UNC79: variants seen among roughly 807,000 people sequenced by gnomAD.
UNC79 encodes protein unc-79 homolog.
Under a neutral mutation model 283.1 loss-of-function variants are expected in UNC79, and 37 were observed. The ratio of observed to expected loss-of-function variants is 0.13; its 90% CI spans 0.10 to 0.17. The LOEUF (loss-of-function observed/expected upper bound fraction) is 0.17, where lower values mean the gene tolerates loss of function less well. Ranked by LOEUF, UNC79 falls within the 10% of genes least tolerant of loss-of-function variation. The pLI, the probability that UNC79 is intolerant of heterozygous loss-of-function variation, is 1.00. For missense variants in UNC79, 2,272 were observed against 3,211.1 expected, an observed-to-expected ratio of 0.71 and a Z score of 7.07; for synonymous variants, 1,107 against 1,200.2, an observed-to-expected ratio of 0.92 and a Z score of 1.61.
chr14:93,597,345 C>G lies in UNC79; in HGVS notation c.3191-14C>G, dbSNP rs1190037403. On this transcript the variant is annotated splice_polypyrimidine_tract_variant and intron_variant, in intron 23 of 48. Coordinates refer to ENST00000555664, the Ensembl canonical transcript of UNC79. ...TGTGTATTTACGTATTTTGCCTTCT[C>G]TTTTACATTGCAGTGGAAAAAGTTG... The G allele has an allele frequency of 1.2e-6, 2 of 1,613,012 alleles. No homozygotes were observed. The highest frequency in any genetic ancestry group is 1.7e-6 in the Non-Finnish European group (2 of 1,179,464).
In UNC79 at chr14:93,641,024, A is replaced by T. The variant is rs763090443; in HGVS notation, c.5801-121A>T. 2.6e-4 allele frequency: 181 copies of T among 698,464 alleles called. 1 individual carries two copies. The highest frequency in any genetic ancestry group is 2.8e-4 in the Non-Finnish European group (119 of 422,620). 43.3% of individuals were successfully genotyped at this position (698,464 alleles called of 1,614,324 possible). On this transcript the variant is annotated intron_variant, in intron 32 of 48. Transcript: ENST00000555664. ...GAGGGCTTTCTGCAGTACAGTTGGG[A>T]TGTCCAAGTTGTATTCCTGGGAATG...
chr14:93,476,379 C>G (rs1489061763), intron 3 of UNC79, among the ~76,000 whole-genome samples: 9 of 152,220 alleles, frequency 5.9e-5, no homozygotes, highest in Non-Finnish European at 1.5e-5. Flanking sequence ...TGTAATTAGG[C>G]TAAAAGGCTC....
chr14:93,568,642 G>C (rs190485905), intron 14 of UNC79, among the ~76,000 whole-genome samples: 4 of 152,218 alleles, frequency 2.6e-5, no homozygotes, highest in Non-Finnish European at 5.9e-5. Context: ...TTGCACTCCA[G>C]CCTGGGTAAC....
intron 24 of UNC79, among the ~76,000 whole-genome samples, chr14:93,598,386 GTGTGTGTGTGTGTGTGTGTGTGT>G (rs1566741982): frequency 2.2e-4 from 34 of 151,712 alleles, no homozygotes; most frequent in Non-Finnish European, 4.1e-4. Flanking sequence ...GTGTGTGTGT[GTGTGTGTGTGTGTGTGTGTGTGT>G]GGCAGATTTT....
chr14:93,460,849 ACT>A (rs1180619847), intron 1 of UNC79, among the ~76,000 whole-genome samples: 2 of 152,110 alleles, frequency 1.3e-5, no homozygotes, highest in Admixed American at 6.6e-5. Context: ...GTATAGTGAG[ACT>A]CTGTCTCTAC....
At chr14:93,696,991 TAGTC>T (rs1055426048) in intron 47 of UNC79, among the ~76,000 whole-genome samples, 3 of 151,768 alleles carry the variant, frequency 2.0e-5, no homozygotes, top group South Asian at 2.1e-4. Flanking sequence ...TGTATATGGA[TAGTC>T]AGTTATTCCA....
chr14:93,670,417 A>C (rs189436733), intron 40 of UNC79, among the ~76,000 whole-genome samples: 2 of 152,272 alleles, frequency 1.3e-5, no homozygotes, highest in South Asian at 4.1e-4. Flanking sequence ...CTTTGGGCTC[A>C]ATTAATTTGG....
In UNC79 at chr14:93,430,954, C is replaced by T. The variant is rs1425348029; in HGVS notation, c.-76C>T. On this transcript the variant is annotated 5_prime_UTR_variant, in exon 1 of 49. Transcript: ENST00000555664. The surrounding 1 kb of genome is among the most constrained non-coding windows in gnomAD (Gnocchi z 4.6). ...GGTGGGGGGTATGCACTCTTTTCCT[C>T]GCAACATCGCTGGCGGAGCGAGGGA... The T allele has an allele frequency of 1.4e-6, 1 of 693,090 alleles. No homozygotes were observed. Among genetic ancestry groups the T allele is most frequent in the East Asian group, 2.7e-5 (1 of 36,674 alleles). 42.9% of individuals were successfully genotyped at this position (693,090 alleles called of 1,614,324 possible).
At chr14:93,444,737 T>A (rs2056412424) in intron 1 of UNC79, among the ~76,000 whole-genome samples, 1 of 151,924 alleles carries the variant, frequency 6.6e-6, no homozygotes, top group Non-Finnish European at 1.5e-5. Flanking sequence ...ATCTCTGGAC[T>A]CTATTTTGTT....
At position 93,653,728 on chromosome 14, in the gene UNC79, C is replaced by T; in HGVS notation, c.6084-14C>T. 6.2e-7 allele frequency: 1 copy of T among 1,607,364 alleles called. No individual in the cohort carries two copies. Among genetic ancestry groups the T allele is most frequent in the East Asian group, 2.2e-5 (1 of 44,722 alleles). ...CCCATGACTTCGTGTCTTTTCTCCCCTGTTCAACTCCAGCATGATGGTTCC... is the reference window on the plus strand; with the variant it reads ...CCCATGACTTCGTGTCTTTTCTCCCTTGTTCAACTCCAGCATGATGGTTCC... On this transcript the variant is annotated splice_polypyrimidine_tract_variant and intron_variant, in intron 35 of 48. Transcript: ENST00000555664.
intron 1 of UNC79, among the ~76,000 whole-genome samples, chr14:93,448,831 GT>G (rs760584182): frequency 2.0e-5 from 3 of 152,224 alleles, no homozygotes; most frequent in Non-Finnish European, 4.4e-5. Flanking sequence ...GGGATCCAGA[GT>G]TTATGGTTTT....
At chr14:93,523,529 A>G (rs1227130237) in intron 7 of UNC79, among the ~76,000 whole-genome samples, 1 of 152,208 alleles carries the variant, frequency 6.6e-6, no homozygotes, top group African/African-American at 2.4e-5. Flanking sequence ...TCATGAAAAG[A>G]GCAGAATGTC....
chr14:93,517,518 T>G (rs2060126386), intron 7 of UNC79, among the ~76,000 whole-genome samples: 1 of 151,770 alleles, frequency 6.6e-6, no homozygotes, highest in Non-Finnish European at 1.5e-5. Flanking sequence ...CTGTTCTTAG[T>G]TTGCTGAGAG....
chr14:93,443,580 T>C (rs2056376517), intron 1 of UNC79, among the ~76,000 whole-genome samples: 1 of 151,966 alleles, frequency 6.6e-6, no homozygotes, highest in Admixed American at 6.6e-5. Context: ...CACACCACCA[T>C]GCCCGGCTAA....
intron 1 of UNC79, among the ~76,000 whole-genome samples, chr14:93,465,034 CA>C (rs1331977578): frequency 2.0e-5 from 3 of 152,156 alleles, no homozygotes; most frequent in African/African-American, 7.2e-5. Flanking sequence ...TTGGCTTGAA[CA>C]TTTTTTTCAA....
intron 14 of UNC79, among the ~76,000 whole-genome samples, chr14:93,566,452 A>G (rs993338643): frequency 6.6e-6 from 1 of 152,122 alleles, no homozygotes; most frequent in Non-Finnish European, 1.5e-5. Flanking sequence ...TGGGCTGGGC[A>G]GAGCATGTTA....
chr14:93,469,306 T>C (rs1234016130), intron 2 of UNC79, among the ~76,000 whole-genome samples: 4 of 152,192 alleles, frequency 2.6e-5, no homozygotes, highest in African/African-American at 9.7e-5. Context: ...AAGTGGCTTG[T>C]TGGAGAAGAT....
chr14:93,362,027 G>C (rs1365427689), intron 1 of UNC79, among the ~76,000 whole-genome samples: 1 of 152,156 alleles, frequency 6.6e-6, no homozygotes, highest in Admixed American at 6.5e-5. Context: ...TTGCATCTCA[G>C]GAATAAAACC....
At position 93,600,561 on chromosome 14, in the gene UNC79, T is replaced by C; in HGVS notation, c.3373-8T>C. ...TCTTTTCTTTTTTTTTTTCCTCCTC[T>C]TTCCCAGGGTCTATGTCTTTGTCTT... On this transcript the variant is annotated splice_polypyrimidine_tract_variant and splice_region_variant and intron_variant, in intron 24 of 48. Coordinates refer to ENST00000555664, the Ensembl canonical transcript of UNC79. 6.3e-7 allele frequency: 1 copy of C among 1,577,940 alleles called. No individual in the cohort carries two copies. Among genetic ancestry groups the C allele is most frequent in the East Asian group, 2.2e-5 (1 of 44,632 alleles).
Sources: gnomAD v4.1 joint callset for allele counts (sites outside exome capture counted in the v4.1 genomes callset) on GRCh38, gnomAD v4.1.1 for gene constraint, Gnocchi (gnomAD v3.1) non-coding constraint, MANE v1.5 for transcripts, NCBI Gene and HGNC (gene_info 2026-07-23, HGNC 2026-07-21) for gene names.